SLC15A5: variants seen among roughly 807,000 people sequenced by gnomAD.
SLC15A5 encodes solute carrier family 15 member 5.
A neutral mutation model predicts 56.1 loss-of-function variants in SLC15A5; 58 were observed. The ratio of observed to expected loss-of-function variants is 1.03; its 90% confidence interval spans 0.84 to 1.29. SLC15A5 has a LOEUF of 1.29. SLC15A5 is among the 50% of genes most tolerant of loss of function. SLC15A5 has a pLI of 0.00. For missense variants in SLC15A5, 681 were observed against 672.1 expected, an observed-to-expected ratio of 1.01 and a Z score of -0.15; for synonymous variants, 264 against 250.5, an observed-to-expected ratio of 1.05 and a Z score of -0.51.
At chr12:16,266,264 T>C (rs1864695125) in intron 2 of SLC15A5, among the ~76,000 whole-genome samples, 1 of 152,124 alleles carries the variant, frequency 6.6e-6, no homozygotes, top group African/African-American at 2.4e-5. Context: ...CCAAAAGCAC[T>C]GTTACAGTGC....
At chr12:16,240,876 G>C (rs2136258609) in intron 4 of SLC15A5, among the ~76,000 whole-genome samples, 1 of 150,734 alleles carries the variant, frequency 6.6e-6, no homozygotes, top group East Asian at 2.0e-4. Flanking sequence ...GCAGTGGTGT[G>C]ATCTCGGCTC....
At chr12:16,199,818 G>A (rs535833488) in intron 7 of SLC15A5, among the ~76,000 whole-genome samples, 1 of 152,196 alleles carries the variant, frequency 6.6e-6, no homozygotes, top group Non-Finnish European at 1.5e-5. Flanking sequence ...AGTGCAACCT[G>A]CCTGACCAAA....
At chr12:16,202,716 A>G (rs1220571555) in intron 7 of SLC15A5, among the ~76,000 whole-genome samples, 1 of 152,182 alleles carries the variant, frequency 6.6e-6, no homozygotes, top group African/African-American at 2.4e-5. Flanking sequence ...ACACAACTAA[A>G]GTGCGCATCA....
intron 7 of SLC15A5, among the ~76,000 whole-genome samples, chr12:16,215,914 A>C (rs1322254211): frequency 2.3e-4 from 35 of 152,062 alleles, no homozygotes; most frequent in Admixed American, 2.3e-3. Context: ...CCATGGTATC[A>C]CCAGTGCCCA....
At chr12:16,208,651 G>C (rs1864045616) in intron 7 of SLC15A5, among the ~76,000 whole-genome samples, 1 of 151,756 alleles carries the variant, frequency 6.6e-6, no homozygotes, top group Non-Finnish European at 1.5e-5. Flanking sequence ...TGGATGACAG[G>C]GCAAGATCCC....
intron 7 of SLC15A5, among the ~76,000 whole-genome samples, chr12:16,195,813 T>C (rs990643830): frequency 2.0e-5 from 3 of 152,136 alleles, no homozygotes; most frequent in Non-Finnish European, 2.9e-5. Context: ...AGTATGACAA[T>C]TGTGATTAAT....
intron 5 of SLC15A5, among the ~76,000 whole-genome samples, chr12:16,227,787 G>A (rs1187126311): frequency 1.3e-5 from 2 of 152,160 alleles, no homozygotes; most frequent in Admixed American, 6.5e-5. Flanking sequence ...GATTACAATC[G>A]TTATTTAGGA....
At chr12:16,226,295 A>G (rs998963712) in intron 5 of SLC15A5, among the ~76,000 whole-genome samples, 3 of 152,302 alleles carry the variant, frequency 2.0e-5, no homozygotes, top group African/African-American at 4.8e-5. Flanking sequence ...TACATGTTCA[A>G]TACAGATGCA....
intron 6 of SLC15A5, among the ~76,000 whole-genome samples, chr12:16,221,536 G>A (rs1321046484): frequency 6.6e-6 from 1 of 152,168 alleles, no homozygotes; most frequent in African/African-American, 2.4e-5. Context: ...TGGTCAAGGG[G>A]CAGATTGTAA....
intron 3 of SLC15A5, among the ~76,000 whole-genome samples, chr12:16,246,330 T>C (rs925879103): frequency 6.6e-6 from 1 of 152,212 alleles, no homozygotes; most frequent in Non-Finnish European, 1.5e-5. Flanking sequence ...TGCTCTTTAT[T>C]ATTAGAGAAT....
intron 7 of SLC15A5, among the ~76,000 whole-genome samples, chr12:16,202,273 C>T (rs1481356846): frequency 6.6e-6 from 1 of 152,028 alleles, no homozygotes; most frequent in Non-Finnish European, 1.5e-5. Context: ...AATAGCTAAT[C>T]GAAAATTGGG....
intron 4 of SLC15A5, among the ~76,000 whole-genome samples, chr12:16,240,592 C>T (rs1016586763): frequency 3.9e-5 from 6 of 152,024 alleles, no homozygotes; most frequent in Non-Finnish European, 7.4e-5. Context: ...TGTGCTCCAC[C>T]CCAAATCCTC....
chr12:16,194,566 A>C, intron 7 of SLC15A5, 113 bp from the exon 8 acceptor site: 1 of 605,266 alleles, frequency 1.7e-6, no homozygotes, highest in East Asian at 3.1e-5. Context: ...TCCACAAAGC[A>C]AAAAAGCTCA....
Position 16,244,752 on chromosome 12 carries a change from G to A in SLC15A5, c.803C>T (p.Thr268Ile), listed in dbSNP as rs766739258. The change falls in exon 4 of 9, where the codon ACA (threonine) becomes ATA (isoleucine). Residue 268 changes from threonine (T) to isoleucine (I), a missense_variant. Transcript: ENST00000344941. ...GVGVLVSALK[T>I]CHPQYCHLGR... ...AAGATGGCAGTATTGCGGGTGGCAT[G>A]TTTTCAGTGCACTAACCAACACCCC... 1.3e-6 allele frequency: 2 copies of A among 1,537,654 alleles called. No homozygotes were observed. Among genetic ancestry groups the A allele is most frequent in the South Asian group, 1.2e-5 (1 of 84,060 alleles).
At chr12:16,200,726 A>G (rs1442955664) in intron 7 of SLC15A5, among the ~76,000 whole-genome samples, 2 of 152,154 alleles carry the variant, frequency 1.3e-5, no homozygotes, top group East Asian at 3.8e-4. Flanking sequence ...GCATTTATAC[A>G]TTTAGAGATA....
rs764937676 is a variant in SLC15A5 at position 16,272,721 on chromosome 12, C to T, written c.424G>A (p.Ala142Thr). 6.5e-7 allele frequency: 1 copy of T among 1,537,226 alleles called. No homozygotes were observed. Among genetic ancestry groups the T allele is most frequent in the East Asian group, 2.4e-5 (1 of 40,914 alleles). Residue 142 changes from alanine to threonine, a missense_variant, in exon 2 of 9, where the codon GCA becomes ACA. By Grantham distance (58) the Ala-to-Thr change is moderately conservative. Transcript: ENST00000344941. ...LEDFYLGTYH[A>T]VNNIPKTEQH... Reference sequence around the variant, plus strand: ...TCTGTTTTTGGTATGTTGTTAACTGCATGGTAAGTGCCCAGATAGAAATCT... The same window carrying T: ...TCTGTTTTTGGTATGTTGTTAACTGTATGGTAAGTGCCCAGATAGAAATCT...
intron 8 of SLC15A5, among the ~76,000 whole-genome samples, chr12:16,193,465 C>A (rs1863858347): frequency 6.6e-6 from 1 of 151,864 alleles, no homozygotes; most frequent in African/African-American, 2.4e-5. Flanking sequence ...GTTTATGACA[C>A]CACCTATCAC....
chr12:16,227,858 A>G (rs1379667941), intron 5 of SLC15A5, among the ~76,000 whole-genome samples: 1 of 152,218 alleles, frequency 6.6e-6, no homozygotes, highest in Non-Finnish European at 1.5e-5. Flanking sequence ...AGGTAGGAAG[A>G]TAGAAGTGAT....
At chr12:16,215,635 T>G (rs1864124683) in intron 7 of SLC15A5, among the ~76,000 whole-genome samples, 1 of 152,124 alleles carries the variant, frequency 6.6e-6, no homozygotes, top group Non-Finnish European at 1.5e-5. Flanking sequence ...TGAATTTGAG[T>G]TCTTTGAGAA....
Sources: gnomAD v4.1 joint callset for allele counts (sites outside exome capture counted in the v4.1 genomes callset) on GRCh38, gnomAD v4.1.1 for gene constraint, MANE v1.5 for transcripts, NCBI Gene and HGNC (gene_info 2026-07-23, HGNC 2026-07-21) for gene names.